The following TBC1D22A variants were observed in gnomAD, a reference collection of about 807,000 sequenced individuals.
The protein encoded by TBC1D22A is TBC1 domain family member 22A.
In TBC1D22A, 38 loss-of-function variants were observed where a neutral mutation model predicts 60.2. That is an observed-to-expected ratio of 0.63 (90% CI 0.49 to 0.83). TBC1D22A has a LOEUF of 0.83. Among genes scored for constraint, TBC1D22A ranks in the 40% least tolerant of loss-of-function variants. The pLI, the probability that TBC1D22A is intolerant of heterozygous loss-of-function variation, is 0.00. For missense variants in TBC1D22A, 628 were observed against 701.0 expected, an observed-to-expected ratio of 0.90 and a Z score of 1.18; for synonymous variants, 302 against 281.7, an observed-to-expected ratio of 1.07 and a Z score of -0.72.
At chr22:47,090,005 G>C (rs887203323) in intron 11 of TBC1D22A, among the ~76,000 whole-genome samples, 5 of 152,164 alleles carry the variant, frequency 3.3e-5, no homozygotes, top group African/African-American at 1.2e-4. Context: ...ACTTTGGCGT[G>C]GCATTCGCTC....
At chr22:46,900,801 A>G (rs978872053) in intron 7 of TBC1D22A, among the ~76,000 whole-genome samples, 4 of 152,156 alleles carry the variant, frequency 2.6e-5, no homozygotes, top group Non-Finnish European at 2.9e-5. Flanking sequence ...GTTGACGGAC[A>G]CTGGAGTTCT....
At chr22:46,993,015 A>T (rs1045411819) in intron 9 of TBC1D22A, among the ~76,000 whole-genome samples, 1 of 152,212 alleles carries the variant, frequency 6.6e-6, no homozygotes, top group Non-Finnish European at 1.5e-5. Context: ...TGGAAAGAAG[A>T]GGCTGGACTT....
At chr22:47,074,189 A>G (rs1440560246) in intron 11 of TBC1D22A, among the ~76,000 whole-genome samples, 1 of 152,240 alleles carries the variant, frequency 6.6e-6, no homozygotes, top group African/African-American at 2.4e-5. Flanking sequence ...CAATGAAGCA[A>G]TGATGTGGAC....
At chr22:47,091,455 A>G (rs1448608369) in intron 11 of TBC1D22A, among the ~76,000 whole-genome samples, 6 of 129,972 alleles carry the variant, frequency 4.6e-5, no homozygotes, top group South Asian at 2.6e-4. Flanking sequence ...TGATAGAGAC[A>G]GGCACGAGAA....
intron 12 of TBC1D22A, among the ~76,000 whole-genome samples, chr22:47,133,892 C>G (rs1209841700): frequency 1.3e-5 from 2 of 152,230 alleles, no homozygotes; most frequent in Non-Finnish European, 2.9e-5. Flanking sequence ...GGCTGTCTCT[C>G]TCTCTCTCTC....
chr22:46,939,135 A>C (rs2071836349), intron 8 of TBC1D22A, among the ~76,000 whole-genome samples: 1 of 151,458 alleles, frequency 6.6e-6, no homozygotes, highest in African/African-American at 2.4e-5. Flanking sequence ...TTTATTTTTC[A>C]CTTGTAATAG....
intron 12 of TBC1D22A, among the ~76,000 whole-genome samples, chr22:47,130,202 C>T (rs910692304): frequency 1.3e-5 from 2 of 152,226 alleles, no homozygotes; most frequent in African/African-American, 4.8e-5. Context: ...TCCCTCCCTC[C>T]CCACCAGACA....
intron 9 of TBC1D22A, among the ~76,000 whole-genome samples, chr22:46,981,665 C>T (rs776907660): frequency 6.6e-6 from 1 of 152,210 alleles, no homozygotes; most frequent in African/African-American, 2.4e-5. Flanking sequence ...GTGCCTCTTC[C>T]TCTTTGTCTT....
chr22:47,094,649 T>A (rs1161359607), intron 11 of TBC1D22A, among the ~76,000 whole-genome samples: 1 of 152,230 alleles, frequency 6.6e-6, no homozygotes, highest in Non-Finnish European at 1.5e-5. Flanking sequence ...GACTGATACA[T>A]CAACCAAAGA....
chr22:46,995,544 G>C (rs528625863), intron 9 of TBC1D22A, among the ~76,000 whole-genome samples: 1 of 151,982 alleles, frequency 6.6e-6, no homozygotes, highest in Non-Finnish European at 1.5e-5. Flanking sequence ...AGAGAGAAAC[G>C]TAGAGAGTGC....
intron 6 of TBC1D22A, among the ~76,000 whole-genome samples, chr22:46,893,374 G>T (rs1305343979): frequency 6.6e-6 from 1 of 152,146 alleles, no homozygotes; most frequent in Non-Finnish European, 1.5e-5. Flanking sequence ...GGTGCACAGA[G>T]CCCCACCTGC....
intron 11 of TBC1D22A, among the ~76,000 whole-genome samples, chr22:47,048,798 A>G (rs892097435): frequency 6.6e-6 from 1 of 152,122 alleles, no homozygotes; most frequent in African/African-American, 2.4e-5. Context: ...CCGCACCGTA[A>G]TCAGGAGCAA....
chr22:47,124,509 G>C (rs934426572), intron 12 of TBC1D22A, among the ~76,000 whole-genome samples: 9 of 152,234 alleles, frequency 5.9e-5, no homozygotes, highest in Non-Finnish European at 1.0e-4. Flanking sequence ...GGGCATGCAG[G>C]TGGAAGCTCT....
rs188879168 is a variant in TBC1D22A at position 46,959,170 on chromosome 22, G to T, written c.1016-15120G>T. 8.5e-5 allele frequency among the ~76,000 whole-genome samples: 13 copies of T among 152,208 alleles called. 1 individual carries two copies. Among genetic ancestry groups the T allele is most frequent in the Admixed American group, 6.5e-4 (10 of 15,300 alleles). On this transcript the variant is annotated intron_variant, in intron 8 of 12. Coordinates refer to ENST00000337137, the MANE Select transcript of TBC1D22A (RefSeq NM_014346.5). ...TTTAGGATCTTGCCCTGTGTTTTCC[G>T]TTCTACCCAACAAAAAACTAAAACC...
chr22:46,765,451 TTTTTTGTTTTTG>T lies in TBC1D22A; in HGVS notation c.62+2621_62+2632del, dbSNP rs895527405. ...TGTTTCCCATGATTGTTTTCTTTCT[TTTTTTGTTTTTG>T]TTTTTGTTTTTGTTTTTTTTGAGAT... On this transcript the variant is annotated intron_variant, in intron 1 of 12. Coordinates refer to ENST00000337137, the MANE Select transcript of TBC1D22A (RefSeq NM_014346.5). Among the ~76,000 whole-genome samples, 54 of 152,290 alleles carry T rather than the reference TTTTTTGTTTTTG, an allele frequency of 3.5e-4. No individual in the cohort carries two copies. In the East Asian group the frequency reaches 4.6e-3, roughly 13 times the overall value.
chr22:46,792,197 A>G (rs2084440637), intron 1 of TBC1D22A, among the ~76,000 whole-genome samples: 2 of 152,126 alleles, frequency 1.3e-5, no homozygotes, highest in South Asian at 4.1e-4. Flanking sequence ...CAGTTCCTTC[A>G]TTGCACTCCC....
chr22:47,000,583 A>G (rs762709854), intron 10 of TBC1D22A, among the ~76,000 whole-genome samples: 1 of 152,206 alleles, frequency 6.6e-6, no homozygotes, highest in African/African-American at 2.4e-5. Context: ...TGTGCTGGGC[A>G]GGGAGTAAAG....
intron 4 of TBC1D22A, among the ~76,000 whole-genome samples, chr22:46,862,660 G>C (rs150026369): frequency 2.9e-4 from 44 of 152,306 alleles, no homozygotes; most frequent in African/African-American, 9.9e-4. Context: ...GGTCTGCAGG[G>C]GTGGGTGTAG....
At chr22:47,171,877 T>C (rs2068472173) in intron 12 of TBC1D22A, among the ~76,000 whole-genome samples, 1 of 150,870 alleles carries the variant, frequency 6.6e-6, no homozygotes, top group Non-Finnish European at 1.5e-5. Flanking sequence ...CAGTCGCCCA[T>C]GTGTCTTTTG....
Sources: gnomAD v4.1 joint callset for allele counts (sites outside exome capture counted in the v4.1 genomes callset) on GRCh38, gnomAD v4.1.1 for gene constraint, MANE v1.5 for transcripts, NCBI Gene and HGNC (gene_info 2026-07-23, HGNC 2026-07-21) for gene names.